TBC1D31: variants seen among roughly 807,000 people sequenced by gnomAD.
The protein encoded by TBC1D31 is TBC1 domain family member 31, also known as WD repeat domain 67.
A neutral mutation model predicts 132.9 loss-of-function variants in TBC1D31; 99 were observed. The ratio of observed to expected loss-of-function variants is 0.74; its 90% CI spans 0.63 to 0.88. TBC1D31 has a LOEUF of 0.88. Among genes scored for constraint, TBC1D31 ranks in the 40% least tolerant of loss-of-function variants. The pLI is 0.00. For synonymous variants in TBC1D31, 385 were observed against 419.4 expected (o/e 0.92, Z 1.00); for missense variants, 1,134 against 1,256.6 (o/e 0.90, Z 1.48).
chr8:123,123,065 A>T (rs1819649303), intron 11 of TBC1D31: 1 of 152,280 alleles, frequency 6.6e-6, no homozygotes, highest in Admixed American at 6.5e-5. Flanking sequence ...CCCAGTGGAC[A>T]CTGGGTGACT....
At chr8:123,073,099 C>T in intron 1 of TBC1D31, 2 of 565,106 alleles carry the variant, frequency 3.5e-6, no homozygotes, top group Admixed American at 3.0e-5. Flanking sequence ...GACCTGGGAA[C>T]TTGCGGCTTT....
At chr8:123,105,182 A>T in intron 7 of TBC1D31, 106 bp from the exon 8 acceptor site, 2 of 762,168 alleles carry the variant, frequency 2.6e-6, no homozygotes, top group Non-Finnish European at 3.7e-6. Context: ...GAATAATTCT[A>T]CATATTAAGG....
Position 123,126,152 on chromosome 8 carries a change from T to C in TBC1D31, c.1667T>C (p.Leu556Pro). Residue 556 changes from leucine to proline, a missense_variant, in exon 12 of 22, where the codon CTG (leucine) becomes CCG (proline). Physicochemically the swap from Leu to Pro is moderately conservative, Grantham distance 98. Transcript: ENST00000287380. The stretch of plus-strand genomic sequence containing the variant: ...GTTTTGGCATTTCATGACAAGGAAC[T>C]GCTGCAACACTTCATAGATCATGAT... ...ENVLAFHDKE[L>P]LQHFIDHDIT... is the part of the protein sequence containing the mutation. 1 of 1,612,706 alleles carries C rather than the reference T, an allele frequency of 6.2e-7. No individual in the cohort carries two copies. The highest frequency in any genetic ancestry group is 8.5e-7 in the Non-Finnish European group (1 of 1,179,470).
At chr8:123,140,675 G>T in intron 17 of TBC1D31, 86 bp from the exon 18 acceptor site, 1 of 1,028,422 alleles carries the variant, frequency 9.7e-7, no homozygotes, top group Non-Finnish European at 1.4e-6. Flanking sequence ...TTTTATTTGT[G>T]TGCATATTAC....
At chr8:123,119,045 T>C (rs1819224812) in intron 10 of TBC1D31, among the ~76,000 whole-genome samples, 1 of 152,196 alleles carries the variant, frequency 6.6e-6, no homozygotes, top group Admixed American at 6.5e-5. Flanking sequence ...TTCTTAAACA[T>C]GAAAAGATGC....
intron 17 of TBC1D31, among the ~76,000 whole-genome samples, chr8:123,134,929 T>C (rs1160351141): frequency 6.6e-6 from 1 of 152,234 alleles, no homozygotes; most frequent in Non-Finnish European, 1.5e-5. Flanking sequence ...TGAGACAGTC[T>C]TACTCAGTTG....
chr8:123,107,006 T>TTA (rs1817992716), intron 8 of TBC1D31, among the ~76,000 whole-genome samples: 1 of 152,130 alleles, frequency 6.6e-6, no homozygotes, highest in Non-Finnish European at 1.5e-5. Context: ...CCAGGGAAAT[T>TTA]TATTAGAGAC....
At chr8:123,143,806 T>G (rs1042873930) in intron 19 of TBC1D31, among the ~76,000 whole-genome samples, 1 of 152,326 alleles carries the variant, frequency 6.6e-6, no homozygotes, top group South Asian at 2.1e-4. Context: ...ATTCTCATCC[T>G]AAACATTGCT....
At chr8:123,080,737 A>G (rs986558687) in intron 2 of TBC1D31, among the ~76,000 whole-genome samples, 4 of 152,020 alleles carry the variant, frequency 2.6e-5, no homozygotes, top group Admixed American at 1.3e-4. Context: ...GGGTTTCACC[A>G]TGTTGGCCAG....
At chr8:123,114,574 G>A (rs757907959) in intron 10 of TBC1D31, among the ~76,000 whole-genome samples, 2 of 152,068 alleles carry the variant, frequency 1.3e-5, no homozygotes, top group African/African-American at 2.4e-5. Context: ...TGCTCGCCTC[G>A]GCCTCCCAAA....
chr8:123,100,961 G>A lies in TBC1D31; in HGVS notation c.986G>A (p.Ser329Asn). The A allele has an allele frequency of 6.2e-7, 1 of 1,613,880 alleles. No individual in the cohort carries two copies. Among genetic ancestry groups the A allele is most frequent in the Non-Finnish European group, 8.5e-7 (1 of 1,179,886 alleles). ...ATTGCATCTATTATGGAAAATGGAA[G>A]TCTAAACATATATTCAGTTCAGGCT... ...RYIASIMENG[S>N]LNIYSVQALT... Residue 329 changes from serine (S) to asparagine (N), a missense_variant, in exon 7 of 22, where the codon AGT (serine) becomes AAT (asparagine). Physicochemically the swap from Ser to Asn is conservative, Grantham distance 46 (BLOSUM62 1). Transcript: ENST00000287380.
chr8:123,163,466 G>A, the TBC1D31 span, among the ~76,000 whole-genome samples: 2 of 144,020 alleles, frequency 1.4e-5, no homozygotes, highest in African/African-American at 5.2e-5. Context: ...CCCAGCCTTA[G>A]TGATCCTCCC....
At chr8:123,092,829 T>TTTTTTTTTTTTTTA (rs1816468384) in intron 4 of TBC1D31, among the ~76,000 whole-genome samples, 1 of 146,158 alleles carries the variant, frequency 6.8e-6, no homozygotes, top group African/African-American at 2.5e-5. Context: ...TTTTTTTTTT[T>TTTTTTTTTTTTTTA]GAGACGAAGG....
chr8:123,097,256 T>C (rs750908877), intron 5 of TBC1D31, 26 bp from the exon 6 acceptor site: 1 of 1,610,992 alleles, frequency 6.2e-7, no homozygotes, highest in South Asian at 1.1e-5. Flanking sequence ...AACCCGTTTT[T>C]CTTTCTCACT....
At chr8:123,157,105 G>T (rs1055373786), downstream of TBC1D31, among the ~76,000 whole-genome samples, 1 of 152,222 alleles carries the variant, frequency 6.6e-6, no homozygotes, top group African/African-American at 2.4e-5. Flanking sequence ...GTACTTATCA[G>T]GTTCACCTGG....
the TBC1D31 span, among the ~76,000 whole-genome samples, chr8:123,159,585 A>G: frequency 5.9e-5 from 9 of 152,324 alleles, no homozygotes; most frequent in South Asian, 1.9e-3. Context: ...TGAGGTCGAG[A>G]GTTCGAGACC....
At position 123,072,855 on chromosome 8, in the gene TBC1D31, C is replaced by G; in HGVS notation, c.77+9C>G. ...CCGGCCACGCGGGACGGGTAAAGGC[C>G]GTGGCGGGAGGGCGCGGGCTGTGGA... On this transcript the variant is annotated intron_variant, in intron 1 of 21. Transcript: ENST00000287380. The G allele has an allele frequency of 6.4e-7, 1 of 1,559,188 alleles. No homozygotes were observed. Among genetic ancestry groups the G allele is most frequent in the Non-Finnish European group, 8.7e-7 (1 of 1,151,790 alleles).
intron 17 of TBC1D31, among the ~76,000 whole-genome samples, chr8:123,138,873 G>C (rs1446009795): frequency 6.6e-6 from 1 of 152,086 alleles, no homozygotes; most frequent in Admixed American, 6.5e-5. Context: ...GCAGTGGCGT[G>C]ATCTCAGCTC....
At chr8:123,127,667 T>G (rs140349497) in intron 13 of TBC1D31, among the ~76,000 whole-genome samples, 119 of 152,318 alleles carry the variant, frequency 7.8e-4, no homozygotes, top group African/African-American at 2.7e-3. Flanking sequence ...GTCTGAATGC[T>G]TATTACACAT....
Sources: allele counts gnomAD v4.1 joint callset (sites outside exome capture counted in the v4.1 genomes callset), GRCh38; gene constraint gnomAD v4.1.1; transcripts MANE v1.5; gene names NCBI Gene and HGNC (gene_info 2026-07-23, HGNC 2026-07-21).